AKAP13: variants seen among roughly 807,000 people sequenced by gnomAD.
AKAP13 encodes A-kinase anchoring protein 13.
A neutral mutation model predicts 264.5 loss-of-function variants in AKAP13; 80 were observed. That is an observed-to-expected ratio of 0.30 (90% CI 0.25 to 0.36). The LOEUF (loss-of-function observed/expected upper bound fraction) is 0.36. AKAP13 is among the 10% of genes least tolerant of loss of function. AKAP13 has a pLI of 1.00. For synonymous variants in AKAP13, 1,380 were observed against 1,250.2 expected (o/e 1.10, Z -2.19); for missense variants, 3,712 against 3,435.2 (o/e 1.08, Z -2.01).
chr15:85,472,265 G>A (rs980555943), intron 1 of AKAP13, among the ~76,000 whole-genome samples: 16 of 151,218 alleles, frequency 1.1e-4, no homozygotes, highest in Admixed American at 5.9e-4. Context: ...CCAAGTACTC[G>A]GGAGGCTGAG....
In AKAP13 at chr15:85,579,083, A is replaced by G. The variant is rs79064356; in HGVS notation, c.1015A>G (p.Thr339Ala). Reference protein sequence around the residue: ...RLSSSEETESTQCCPGSPVAQ... With the variant: ...RLSSSEETESAQCCPGSPVAQ... ...TTCTTCTTCTGAAGAGACTGAGAGC[A>G]CTCAGTGCTGCCCAGGGAGCCCTGT... Residue 339 changes from threonine (T) to alanine (A), a missense_variant, in exon 7 of 37, where the codon ACT becomes GCT. Coordinates refer to ENST00000394518, the MANE Select transcript of AKAP13 (RefSeq NM_007200.5). 4 of 1,614,172 alleles carry G rather than the reference A, an allele frequency of 2.5e-6. No homozygotes were observed. The highest frequency in any genetic ancestry group is 1.1e-5 in the South Asian group (1 of 91,084).
At chr15:85,662,495 T>C in intron 12 of AKAP13, 2 of 1,611,374 alleles carry the variant, frequency 1.2e-6, no homozygotes, top group Non-Finnish European at 1.7e-6. Context: ...TGGGGAACCA[T>C]AAAATACGCC....
chr15:85,579,194 G>A lies in AKAP13; in HGVS notation c.1126G>A (p.Val376Met), dbSNP rs115123806. Residue 376 changes from valine to methionine, a missense_variant, in exon 7 of 37, where the codon GTG becomes ATG. Around this residue, in one of 3 missense-constraint regions of AKAP13, gnomAD observed 2,759 missense variants for 2,411.7 expected, o/e 1.14. Coordinates refer to ENST00000394518, the MANE Select transcript of AKAP13 (RefSeq NM_007200.5). ...DRSCRKKNKGVERKGEEVEPA... is the reference protein window; with the variant it reads ...DRSCRKKNKGMERKGEEVEPA... ...TTCCTGTAGGAAGAAAAATAAAGGCGTGGAAAGAAAAGGGGAAGAGGTGGA... is the reference window on the plus strand; with the variant it reads ...TTCCTGTAGGAAGAAAAATAAAGGCATGGAAAGAAAAGGGGAAGAGGTGGA... 8.5e-4 allele frequency: 1,369 copies of A among 1,614,216 alleles called. 12 individuals are homozygous for A. The African/African-American group carries it at 0.012, about 15-fold the overall frequency.
rs567682613 is a variant in AKAP13 at position 85,569,487 on chromosome 15, T to C, written c.663-5644T>C. Among the ~76,000 whole-genome samples, 49 of 149,942 alleles carry C rather than the reference T, an allele frequency of 3.3e-4. 1 individual carries two copies. Among genetic ancestry groups the C allele is most frequent in the African/African-American group, 1.2e-3 (49 of 40,932 alleles). On this transcript the variant is annotated intron_variant, in intron 5 of 36. Transcript: ENST00000394518. ...TTTTTTTTGAGACAGAGTTTCACTCTTGTTGCCTAGGCTGCAGTGCAATGC... is the reference window on the plus strand; with the variant it reads ...TTTTTTTTGAGACAGAGTTTCACTCCTGTTGCCTAGGCTGCAGTGCAATGC...
At chr15:85,707,033 T>G (rs917163202) in intron 17 of AKAP13, among the ~76,000 whole-genome samples, 2 of 152,166 alleles carry the variant, frequency 1.3e-5, no homozygotes, top group African/African-American at 4.8e-5. Flanking sequence ...TGAGTTGATG[T>G]AGACAGGACC....
intron 16 of AKAP13, among the ~76,000 whole-genome samples, chr15:85,690,559 A>C (rs982708207): frequency 2.0e-5 from 3 of 152,236 alleles, no homozygotes; most frequent in African/African-American, 7.2e-5. Context: ...TTTATAGTTC[A>C]AAAGTGTAGT....
intron 1 of AKAP13, among the ~76,000 whole-genome samples, chr15:85,401,092 C>T (rs11074204): frequency 0.54 from 81,264 of 151,520 alleles, 22,548 homozygotes; most frequent in African/African-American, 0.64. Context: ...AAACTCCTGA[C>T]CTCAGGTGAT....
At chr15:85,441,808 C>T (rs1184592959) in intron 1 of AKAP13, among the ~76,000 whole-genome samples, 1 of 151,748 alleles carries the variant, frequency 6.6e-6, no homozygotes, top group African/African-American at 2.4e-5. Context: ...AGTAAATAGT[C>T]TTACATATGC....
chr15:85,673,691 T>TG (rs2084051325), intron 14 of AKAP13, among the ~76,000 whole-genome samples: 1 of 92,534 alleles, frequency 1.1e-5, no homozygotes, highest in Non-Finnish European at 2.4e-5. Flanking sequence ...TTTTTTTTTT[T>TG]TGGGGAGACA....
intron 1 of AKAP13, among the ~76,000 whole-genome samples, chr15:85,419,926 C>T (rs1460809672): frequency 2.1e-5 from 3 of 144,278 alleles, no homozygotes; most frequent in African/African-American, 7.6e-5. Flanking sequence ...GTGTCTGAAT[C>T]TGACTCTTGT....
chr15:85,450,284 TGTG>T (rs2074037286), intron 1 of AKAP13, among the ~76,000 whole-genome samples: 1 of 152,108 alleles, frequency 6.6e-6, no homozygotes, highest in Non-Finnish European at 1.5e-5. Flanking sequence ...CACTTCTAAT[TGTG>T]TTTATTTGGA....
chr15:85,639,537 GT>G, intron 9 of AKAP13, 88 bp downstream of exon 9: 2 of 964,994 alleles, frequency 2.1e-6, no homozygotes, highest in Admixed American at 3.6e-5. Flanking sequence ...TCCTTAGCAT[GT>G]TATACAGTAA....
In AKAP13 at chr15:85,644,537, G is replaced by A. The variant is rs563839729; in HGVS notation, c.4238-1281G>A. Among the ~76,000 whole-genome samples, 40 of 149,570 alleles carry A rather than the reference G, an allele frequency of 2.7e-4. No individual in the cohort carries two copies. In the East Asian group the frequency reaches 5.8e-3, roughly 22 times the overall value. ...ATTACAGGCTTGAGCCACCATGCCC[G>A]GCCATGACTTTTATCCTTAAAACTT... On this transcript the variant is annotated intron_variant, in intron 9 of 36. Coordinates refer to ENST00000394518, the MANE Select transcript of AKAP13 (RefSeq NM_007200.5).
At chr15:85,572,122 C>T (rs2078838775) in intron 5 of AKAP13, among the ~76,000 whole-genome samples, 1 of 152,210 alleles carries the variant, frequency 6.6e-6, no homozygotes, top group African/African-American at 2.4e-5. Context: ...TGGTAGAATA[C>T]TCCATTTCAT....
chr15:85,585,572 C>T, intron 7 of AKAP13, 130 bp from the exon 8 acceptor site: 1 of 1,324,376 alleles, frequency 7.6e-7, no homozygotes, highest in Non-Finnish European at 1.1e-6. Flanking sequence ...CCGCTGACAA[C>T]AAAAGAATAC....
At chr15:85,698,465 CA>C (rs35509705) in intron 17 of AKAP13, among the ~76,000 whole-genome samples, 81 of 103,940 alleles carry the variant, frequency 7.8e-4, no homozygotes, top group African/African-American at 2.4e-3. Context: ...ACTCTGTCTC[CA>C]AAAAAAAAAA....
intron 1 of AKAP13, chr15:85,381,658 G>A (rs1172361539): frequency 2.6e-5 from 4 of 151,496 alleles, no homozygotes; most frequent in African/African-American, 9.7e-5. Flanking sequence ...TCTTATAGCA[G>A]AGTGATACCG....
chr15:85,736,417 G>GTTT lies in AKAP13; in HGVS notation c.7557+288_7557+290dup, dbSNP rs1177608907. On this transcript the variant is annotated intron_variant, in intron 33 of 36. Coordinates refer to ENST00000394518, the MANE Select transcript of AKAP13 (RefSeq NM_007200.5). ...TCTGTCCTTAAGGAAGCCTCTTGCT[G>GTTT]TTTTTTTGTTTGTTTGTTTGTTTGT... 1.7e-3 allele frequency among the ~76,000 whole-genome samples: 215 copies of GTTT among 130,170 alleles called. 2 individuals carry two copies. Among genetic ancestry groups the GTTT allele is most frequent in the African/African-American group, 4.8e-3 (192 of 39,648 alleles). The allele number at this position is 130,170 out of a possible 152,430, so 85.4% of individuals were successfully genotyped here. A position where few individuals can be genotyped will look rare whatever the true frequency, so the allele number is the denominator to read the frequency against.
At chr15:85,532,594 A>G (rs1484809973) in intron 3 of AKAP13, among the ~76,000 whole-genome samples, 2 of 152,258 alleles carry the variant, frequency 1.3e-5, no homozygotes, top group African/African-American at 2.4e-5. Flanking sequence ...TGATAGGAGC[A>G]TAGTTCTGGC....
Sources: allele counts gnomAD v4.1 joint callset (sites outside exome capture counted in the v4.1 genomes callset), GRCh38; gene constraint gnomAD v4.1.1; regional missense constraint gnomAD v4.1.1; transcripts MANE v1.5; gene names NCBI Gene and HGNC (gene_info 2026-07-23, HGNC 2026-07-21).